The following CASS4 variants were observed in gnomAD, a reference collection of about 807,000 sequenced individuals.
CASS4 encodes Cas scaffold protein family member 4.
In CASS4, 22 loss-of-function variants were observed where a neutral mutation model predicts 54.2. That is an observed-to-expected ratio of 0.41 (90% CI 0.29 to 0.58). CASS4 has a LOEUF of 0.58. CASS4 is among the 20% of genes least tolerant of loss of function. The pLI is 0.36. For missense variants in CASS4, 854 were observed against 986.7 expected, an observed-to-expected ratio of 0.87 and a Z score of 1.80; for synonymous variants, 409 against 391.5, an observed-to-expected ratio of 1.04 and a Z score of -0.53.
At chr20:56,432,108 A>G (rs937062381) in intron 1 of CASS4, among the ~76,000 whole-genome samples, 3 of 152,070 alleles carry the variant, frequency 2.0e-5, no homozygotes, top group Non-Finnish European at 2.9e-5. Context: ...TTTATTTTTA[A>G]AAAGAGATCA....
chr20:56,446,898 G>T (rs1980741083), intron 3 of CASS4, among the ~76,000 whole-genome samples: 1 of 152,038 alleles, frequency 6.6e-6, no homozygotes, highest in Non-Finnish European at 1.5e-5. Context: ...GTGACTTCCT[G>T]GTCACTCACA....
chr20:56,455,624 A>C lies in CASS4; in HGVS notation c.1953+2495A>C, dbSNP rs79636199. Among the ~76,000 whole-genome samples the C allele has an allele frequency of 1.4e-3, 218 of 152,280 alleles. 1 individual carries two copies. Among genetic ancestry groups the C allele is most frequent in the Non-Finnish European group, 1.9e-3 (126 of 68,004 alleles). ...TTTGAGTGTATCACAATCACCTATG[A>C]TCTTTGTTAAAACTCACATGGCTGG... On this transcript the variant is annotated intron_variant, in intron 5 of 5. Transcript: ENST00000679887.
At chr20:56,445,624 C>A (rs1274322780) in intron 2 of CASS4, among the ~76,000 whole-genome samples, 2 of 152,198 alleles carry the variant, frequency 1.3e-5, no homozygotes, top group Non-Finnish European at 2.9e-5. Flanking sequence ...CGCGTGGGCC[C>A]AAGAATCTTC....
intron 2 of CASS4, among the ~76,000 whole-genome samples, chr20:56,441,155 A>C (rs536103563): frequency 4.8e-4 from 72 of 148,564 alleles, no homozygotes; most frequent in Non-Finnish European, 7.5e-4. Flanking sequence ...CGCCTGGCTA[A>C]ATTTTTTTTG....
intron 1 of CASS4, among the ~76,000 whole-genome samples, chr20:56,413,840 C>T (rs145280011): frequency 7.1e-4 from 108 of 152,156 alleles, no homozygotes; most frequent in African/African-American, 2.0e-3. Flanking sequence ...ATATGGGAAG[C>T]GTGGGGGTTA....
At chr20:56,450,075 A>G (rs1027253018) in intron 3 of CASS4, among the ~76,000 whole-genome samples, 2 of 149,558 alleles carry the variant, frequency 1.3e-5, no homozygotes, top group Non-Finnish European at 3.0e-5. Flanking sequence ...CCCGTTGCCC[A>G]GGCTGGAGCA....
Position 56,414,900 on chromosome 20 carries a change from G to A in CASS4, c.36+2406G>A, listed in dbSNP as rs536119786. ...ATATAAATAGTAGCCAACCCTTACCGATTGTCTACATGTGAGGCCCTGTGC... is the reference window on the plus strand; with the variant it reads ...ATATAAATAGTAGCCAACCCTTACCAATTGTCTACATGTGAGGCCCTGTGC... On this transcript the variant is annotated intron_variant, in intron 1 of 5. Transcript: ENST00000679887. This position sits in a 1 kb window ranked among gnomAD's most constrained non-coding sequence, Gnocchi z 4.1. Among the ~76,000 whole-genome samples the A allele has an allele frequency of 7.9e-5, 12 of 152,178 alleles. No homozygotes were observed. The highest frequency in any genetic ancestry group is 5.8e-4 in the East Asian group (3 of 5,182).
At chr20:56,449,222 G>A (rs911787219) in intron 3 of CASS4, among the ~76,000 whole-genome samples, 8 of 152,178 alleles carry the variant, frequency 5.3e-5, no homozygotes, top group Non-Finnish European at 1.2e-4. Flanking sequence ...ATGTCCACCA[G>A]TGATAGACTG....
Position 56,458,550 on chromosome 20 carries a change from A to C in CASS4, c.2164A>C (p.Met722Leu), listed in dbSNP as rs748815198. ...VGQKLVDTLC[M>L]ETQERDVRNE... ...ACAGAAGCTGGTGGACACGCTGTGC[A>C]TGGAGACCCAGGAGAGGGACGTGCG... The change falls in exon 6 of 6, where the codon ATG (methionine) becomes CTG (leucine). Residue 722 changes from methionine (M) to leucine (L), a missense_variant. Physicochemically the swap from Met to Leu is conservative, Grantham distance 15 (BLOSUM62 2). Transcript: ENST00000679887. The C allele has an allele frequency of 3.7e-6, 6 of 1,614,084 alleles. No individual in the cohort carries two copies. The highest frequency in any genetic ancestry group is 5.1e-6 in the Non-Finnish European group (6 of 1,179,976).
At chr20:56,447,732 A>G (rs1980790650) in intron 3 of CASS4, among the ~76,000 whole-genome samples, 2 of 152,164 alleles carry the variant, frequency 1.3e-5, no homozygotes, top group Non-Finnish European at 2.9e-5. Context: ...TCCCTGAGCC[A>G]TTCCTCCCTG....
At chr20:56,440,798 C>A (rs1159395908) in intron 2 of CASS4, among the ~76,000 whole-genome samples, 1 of 152,132 alleles carries the variant, frequency 6.6e-6, no homozygotes, top group East Asian at 1.9e-4. Flanking sequence ...TGGCAAACAA[C>A]AGAAACCGCA....
chr20:56,452,514 T>G lies in CASS4; in HGVS notation c.1338T>G (p.Ala446=), dbSNP rs1284809755. Residue 446 remains alanine, a synonymous_variant, in exon 5 of 6, where the codon GCT becomes GCG. Coordinates refer to ENST00000679887, the MANE Select transcript of CASS4 (RefSeq NM_020356.4). ...DLDVAKETVM[A]LQHKVVSSVA... Reference sequence around the variant, plus strand: ...ATGTGGCCAAGGAGACAGTGATGGCTCTGCAGCACAAGGTGGTCAGCTCTG... The same window carrying G: ...ATGTGGCCAAGGAGACAGTGATGGCGCTGCAGCACAAGGTGGTCAGCTCTG... 1 of 1,614,020 alleles carries G rather than the reference T, an allele frequency of 6.2e-7. No individual in the cohort carries two copies. The highest frequency in any genetic ancestry group is 2.2e-5 in the East Asian group (1 of 44,864).
rs1981417846 is a variant in CASS4 at position 56,458,476 on chromosome 20, G to A, written c.2090G>A (p.Ser697Asn). 1 of 1,614,224 alleles carries A rather than the reference G, an allele frequency of 6.2e-7. No individual in the cohort carries two copies. The highest frequency in any genetic ancestry group is 8.5e-7 in the Non-Finnish European group (1 of 1,180,036). The change falls in exon 6 of 6, where the codon AGC becomes AAC. Residue 697 changes from serine (S) to asparagine (N), a missense_variant. Transcript: ENST00000679887. ...GCATTTCACGGCAGCCTCAGCAGCA[G>A]CCAGCCCGCGGAGATCATCACTCAG... ...ISAFHGSLSS[S>N]QPAEIITQSK...
At chr20:56,432,903 T>G (rs2064861) in intron 1 of CASS4, among the ~76,000 whole-genome samples, 56,671 of 151,778 alleles carry the variant, frequency 0.37, 14,442 homozygotes, top group African/African-American at 0.73. Context: ...GGCAGGGGCG[T>G]CACAGAAATC....
intron 3 of CASS4, among the ~76,000 whole-genome samples, chr20:56,448,073 C>T (rs1290117334): frequency 1.3e-5 from 2 of 150,282 alleles, no homozygotes; most frequent in South Asian, 2.1e-4. Context: ...ACCCGGGAGG[C>T]GGAGCTTGCA....
In CASS4 at chr20:56,453,119, T is replaced by C. The variant is rs1336718861; in HGVS notation, c.1943T>C (p.Ile648Thr). ...SELLKKNRAN[I>T]CGQNPGPLIP... is the part of the protein sequence containing the mutation. ...CTATTAAAGAAAAATAGGGCAAATA[T>C]CTGTGGACAGGTGAGTTCAGAGTTC... The change falls in exon 5 of 6, where the codon ATC becomes ACC. Residue 648 changes from isoleucine to threonine, a missense_variant. By Grantham distance (89) the Ile-to-Thr change is moderately conservative. Transcript: ENST00000679887. 2.5e-6 allele frequency: 4 copies of C among 1,611,948 alleles called. No individual in the cohort carries two copies. Among genetic ancestry groups the C allele is most frequent in the Middle Eastern group, 3.3e-4 (2 of 6,062 alleles).
At chr20:56,441,600 C>T (rs1385940051) in intron 2 of CASS4, among the ~76,000 whole-genome samples, 1 of 151,870 alleles carries the variant, frequency 6.6e-6, no homozygotes, top group Non-Finnish European at 1.5e-5. Flanking sequence ...AGGAAAACTC[C>T]GTCTCAAAAA....
At chr20:56,448,924 A>T (rs1326515135) in intron 3 of CASS4, among the ~76,000 whole-genome samples, 1 of 152,158 alleles carries the variant, frequency 6.6e-6, no homozygotes, top group Non-Finnish European at 1.5e-5. Context: ...ATCTCACACC[A>T]GTTAGAATGG....
intron 5 of CASS4, among the ~76,000 whole-genome samples, chr20:56,456,520 C>T (rs1012523141): frequency 6.6e-6 from 1 of 151,792 alleles, no homozygotes; most frequent in Non-Finnish European, 1.5e-5. Flanking sequence ...ACTACAGGCG[C>T]CTGCCACCAC....
Sources: allele counts gnomAD v4.1 joint callset (sites outside exome capture counted in the v4.1 genomes callset), GRCh38; gene constraint gnomAD v4.1.1; non-coding constraint Gnocchi (gnomAD v3.1); transcripts MANE v1.5; gene names NCBI Gene and HGNC (gene_info 2026-07-23, HGNC 2026-07-21).